Variants in KCNMB2 observed in about 807,000 individuals in gnomAD.
The protein encoded by KCNMB2 is calcium-activated potassium channel subunit beta-2.
In KCNMB2, 9 loss-of-function variants were observed where a neutral mutation model predicts 24.5. The ratio of observed to expected loss-of-function variants is 0.37; its 90% confidence interval spans 0.22 to 0.64. The LOEUF is 0.64. KCNMB2 is among the 30% of genes least tolerant of loss of function. KCNMB2 has a pLI of 0.63. For synonymous variants in KCNMB2, 109 were observed against 104.4 expected, an observed-to-expected ratio of 1.04 and a Z score of -0.27; for missense variants, 226 against 284.3, an observed-to-expected ratio of 0.79 and a Z score of 1.47.
Position 178,568,846 on chromosome 3 carries a change from TAGATAGATGATAGATAGATA to T in KCNMB2, c.-68+32136_-68+32155del, listed in dbSNP as rs1363851039. Among the ~76,000 whole-genome samples, 231 of 120,502 alleles carry T rather than the reference TAGATAGATGATAGATAGATA, an allele frequency of 1.9e-3. 1 individual carries two copies. The highest frequency in any genetic ancestry group is 2.8e-3 in the Non-Finnish European group (156 of 55,274). 79.1% of individuals were successfully genotyped at this position (120,502 alleles called of 152,430 possible). A position where few individuals can be genotyped will look rare whatever the true frequency, so the allele number is the denominator to read the frequency against. ...GATAGATAGATGATAGATAGATAGATAGATAGATGATAGATAGATAGATAGATAGATAGATAGATAGATAG... is the reference window on the plus strand; with the variant it reads ...GATAGATAGATGATAGATAGATAGATGATAGATAGATAGATAGATAGATAG... On this transcript the variant is annotated intron_variant, in intron 1 of 4. Transcript: ENST00000452583.
chr3:178,550,674 T>C (rs1715921844), intron 1 of KCNMB2, among the ~76,000 whole-genome samples: 1 of 152,082 alleles, frequency 6.6e-6, no homozygotes, highest in African/African-American at 2.4e-5. Context: ...AACAAAGCTC[T>C]AAGAAGGAAC....
At position 178,843,554 on chromosome 3, in the gene KCNMB2, T is replaced by A. The variant is rs765734885; in HGVS notation, c.*617T>A. ...ATTTCCAAAATATAAGCTGTTTTCA[T>A]TAGCCAGTTCTATAATATCTTCCTG... is the stretch of plus-strand genomic sequence containing the variant. On this transcript the variant is annotated 3_prime_UTR_variant, in exon 5 of 5. Transcript: ENST00000452583. 1.1e-5 allele frequency: 2 copies of A among 185,204 alleles called. No homozygotes were observed. The highest frequency in any genetic ancestry group is 2.3e-5 in the Non-Finnish European group (2 of 87,692). The allele number at this position is 185,204 out of a possible 1,614,324, so 11.5% of individuals were successfully genotyped here. A position where few individuals can be genotyped will look rare whatever the true frequency, so the allele number is the denominator to read the frequency against.
rs1718407638 is a variant in KCNMB2 at position 178,609,626 on chromosome 3, GTCTTTAGTC to G, written c.-68+72917_-68+72925del. Among the ~76,000 whole-genome samples the G allele has an allele frequency of 2.6e-5, 4 of 151,672 alleles. No individual in the cohort carries two copies. In the South Asian group the frequency reaches 8.3e-4, roughly 32 times the overall value. On this transcript the variant is annotated intron_variant, in intron 1 of 4. Coordinates refer to ENST00000452583, the MANE Select transcript of KCNMB2 (RefSeq NM_181361.3). ...TCATAGTGTGAGATCTTAGATATAAGTCTTTAGTCTATTTCGATTTTTTTTTTTTTGGCA... is the reference window on the plus strand; with the variant it reads ...TCATAGTGTGAGATCTTAGATATAAGTATTTCGATTTTTTTTTTTTTGGCA...
At chr3:178,733,981 A>G (rs556948825) in intron 1 of KCNMB2, among the ~76,000 whole-genome samples, 68 of 152,328 alleles carry the variant, frequency 4.5e-4, no homozygotes, top group African/African-American at 1.6e-3. Context: ...AGAGCCAATA[A>G]TAGGATTTTC....
intron 1 of KCNMB2, among the ~76,000 whole-genome samples, chr3:178,627,143 T>C (rs1409393474): frequency 6.6e-6 from 1 of 152,134 alleles, no homozygotes; most frequent in East Asian, 1.9e-4. Context: ...TTGAGATTTA[T>C]TTTATTCTCT....
At chr3:178,681,043 C>T (rs1721254727) in intron 1 of KCNMB2, among the ~76,000 whole-genome samples, 1 of 152,154 alleles carries the variant, frequency 6.6e-6, no homozygotes, top group Non-Finnish European at 1.5e-5. Flanking sequence ...ACTCCTGTCA[C>T]CAAGAGCTTG....
At chr3:178,833,149 A>G (rs1023608451) in intron 4 of KCNMB2, among the ~76,000 whole-genome samples, 4 of 152,264 alleles carry the variant, frequency 2.6e-5, no homozygotes, top group South Asian at 4.1e-4. Context: ...TGAAGTCCCT[A>G]TGAGGACCTA....
chr3:178,569,560 G>A (rs1358045658), intron 1 of KCNMB2, among the ~76,000 whole-genome samples: 2 of 152,184 alleles, frequency 1.3e-5, no homozygotes, highest in East Asian at 3.9e-4. Context: ...CCATAGTACT[G>A]TAGTCAGTTG....
intron 1 of KCNMB2, among the ~76,000 whole-genome samples, chr3:178,572,153 T>C (rs146007238): frequency 1.3e-3 from 198 of 152,318 alleles, no homozygotes; most frequent in Non-Finnish European, 2.2e-3. Flanking sequence ...CTGCACAGCA[T>C]ATACAAAAGA....
rs538809005 is a variant in KCNMB2, at chr3:178,671,239, G to T, written c.-68+134528G>T. 1.6e-4 allele frequency among the ~76,000 whole-genome samples: 24 copies of T among 152,144 alleles called. No homozygotes were observed. In the South Asian group the frequency reaches 5.0e-3, roughly 32 times the overall value. On this transcript the variant is annotated intron_variant, in intron 1 of 4. Coordinates refer to ENST00000452583, the MANE Select transcript of KCNMB2 (RefSeq NM_181361.3). ...CTGTATTGTTTCCAAAAACTTCTAGGCCCACTGAAAGAAAATTGCTCTGAT... is the reference window on the plus strand; with the variant it reads ...CTGTATTGTTTCCAAAAACTTCTAGTCCCACTGAAAGAAAATTGCTCTGAT...
At chr3:178,699,757 T>C (rs772898487) in intron 1 of KCNMB2, among the ~76,000 whole-genome samples, 1 of 152,230 alleles carries the variant, frequency 6.6e-6, no homozygotes, top group Non-Finnish European at 1.5e-5. Context: ...TGGCTGTCCC[T>C]GACCGTGCTC....
At chr3:178,582,651 CCTCTT>C (rs1289624384) in intron 1 of KCNMB2, among the ~76,000 whole-genome samples, 2 of 152,002 alleles carry the variant, frequency 1.3e-5, no homozygotes, top group Admixed American at 1.3e-4. Context: ...TTTTGATTGA[CCTCTT>C]CTCACATCTA....
intron 1 of KCNMB2, among the ~76,000 whole-genome samples, chr3:178,678,499 A>G (rs1193125133): frequency 1.3e-5 from 2 of 152,246 alleles, no homozygotes; most frequent in Non-Finnish European, 2.9e-5. Context: ...ATTCAAGCAT[A>G]GCAGAACTTG....
chr3:178,620,645 C>T lies in KCNMB2; in HGVS notation c.-68+83934C>T, dbSNP rs1201999392. ...GACCTAACCACTTACCAGGTTCCCA[C>T]CTCTTCATACCATCATTTTACACGT... On this transcript the variant is annotated intron_variant, in intron 1 of 4. Transcript: ENST00000452583. Among the ~76,000 whole-genome samples, 3 of 152,286 alleles carry T rather than the reference C, an allele frequency of 2.0e-5. No individual in the cohort carries two copies. The South Asian group carries it at 6.2e-4, about 32-fold the overall frequency.
At chr3:178,574,201 A>G (rs1716909331) in intron 1 of KCNMB2, among the ~76,000 whole-genome samples, 1 of 152,034 alleles carries the variant, frequency 6.6e-6, no homozygotes, top group Admixed American at 6.6e-5. Flanking sequence ...TGCCCCAAAC[A>G]AGGAGATGTT....
intron 1 of KCNMB2, among the ~76,000 whole-genome samples, chr3:178,757,850 TCCAAGAGGATAC>T (rs1248505546): frequency 4.1e-4 from 31 of 76,230 alleles, no homozygotes; most frequent in Non-Finnish European, 5.7e-4. Context: ...GATATATATA[TCCAAGAGGATAC>T]ATATATATAT....
intron 1 of KCNMB2, among the ~76,000 whole-genome samples, chr3:178,612,808 CT>C (rs1718539998): frequency 6.6e-6 from 1 of 151,912 alleles, no homozygotes; most frequent in African/African-American, 2.4e-5. Flanking sequence ...TTATGATCTC[CT>C]TTTCCTTCTT....
rs1415869705 is a variant in KCNMB2, at chr3:178,843,149, G to A, written c.*212G>A. ...AATAACTGTTTTGTGTTGGTTGGTG[G>A]TTTTCATAATCTTATTTCTGTACTG... On this transcript the variant is annotated 3_prime_UTR_variant, in exon 5 of 5. Transcript: ENST00000452583. 7 of 640,378 alleles carry A rather than the reference G, an allele frequency of 1.1e-5. No homozygotes were observed. The Admixed American group carries it at 1.5e-4, about 13-fold the overall frequency. 39.7% of individuals were successfully genotyped at this position (640,378 alleles called of 1,614,324 possible). A position where few individuals can be genotyped will look rare whatever the true frequency, so the allele number is the denominator to read the frequency against.
chr3:178,585,461 G>A (rs960340030), intron 1 of KCNMB2, among the ~76,000 whole-genome samples: 4 of 152,140 alleles, frequency 2.6e-5, no homozygotes, highest in African/African-American at 7.2e-5. Context: ...ATCAAAGGTA[G>A]GATCATTGTT....
Sources: allele counts gnomAD v4.1 joint callset (sites outside exome capture counted in the v4.1 genomes callset), GRCh38; gene constraint gnomAD v4.1.1; transcripts MANE v1.5; gene names NCBI Gene and HGNC (gene_info 2026-07-23, HGNC 2026-07-21).